The following DAAM1 variants were observed in gnomAD, a reference collection of about 807,000 sequenced individuals.
DAAM1 encodes the protein disheveled-associated activator of morphogenesis 1.
A neutral mutation model predicts 130.0 loss-of-function variants in DAAM1; 52 were observed. That is an observed-to-expected ratio of 0.40 (90% CI 0.32 to 0.50). The LOEUF (loss-of-function observed/expected upper bound fraction) is 0.50, where lower values mean the gene tolerates loss of function less well. DAAM1 is among the 20% of genes least tolerant of loss of function. The pLI is 0.61. For synonymous variants in DAAM1, 452 were observed against 444.5 expected (o/e 1.02, Z -0.21); for missense variants, 1,134 against 1,303.8 (o/e 0.87, Z 2.01).
intron 1 of DAAM1, among the ~76,000 whole-genome samples, chr14:59,255,850 T>A (rs1463837677): frequency 6.6e-6 from 1 of 152,240 alleles, no homozygotes; most frequent in Non-Finnish European, 1.5e-5. Flanking sequence ...CTATCTTGAT[T>A]CATATAATAG....
intron 3 of DAAM1, 123 bp from the exon 4 acceptor site, chr14:59,315,157 A>G: frequency 1.2e-6 from 1 of 868,034 alleles, no homozygotes; most frequent in South Asian, 1.3e-5. Context: ...TAAATACGTC[A>G]TACCTTCGTG....
chr14:59,215,536 C>T (rs963976173), intron 1 of DAAM1, among the ~76,000 whole-genome samples: 2 of 152,156 alleles, frequency 1.3e-5, no homozygotes, highest in Non-Finnish European at 2.9e-5. Flanking sequence ...AGGCGGCAGC[C>T]GCTGCAGGCT....
At chr14:59,245,848 G>C (rs1361160894) in intron 1 of DAAM1, among the ~76,000 whole-genome samples, 1 of 152,186 alleles carries the variant, frequency 6.6e-6, no homozygotes, top group African/African-American at 2.4e-5. Context: ...CAATTGTAGA[G>C]TTGAGTGTAG....
intron 3 of DAAM1, among the ~76,000 whole-genome samples, chr14:59,298,147 A>G (rs1240197706): frequency 1.3e-5 from 2 of 152,228 alleles, no homozygotes; most frequent in East Asian, 3.8e-4. Context: ...GGTTTTAGCC[A>G]GAGAAGCGGG....
intron 3 of DAAM1, among the ~76,000 whole-genome samples, chr14:59,298,511 A>T (rs943377400): frequency 2.0e-5 from 3 of 152,210 alleles, no homozygotes; most frequent in Admixed American, 2.0e-4. Flanking sequence ...AAACCCACTG[A>T]GGGCATGTTT....
intron 1 of DAAM1, among the ~76,000 whole-genome samples, chr14:59,253,247 G>A (rs1881726270): frequency 6.6e-6 from 1 of 152,222 alleles, no homozygotes; most frequent in African/African-American, 2.4e-5. Context: ...GAAAGAAGTG[G>A]TGGAGCTGTT....
At chr14:59,363,039 T>A (rs1886772604) in intron 22 of DAAM1, 1 of 152,398 alleles carries the variant, frequency 6.6e-6, no homozygotes, top group Non-Finnish European at 1.5e-5. Flanking sequence ...TAGATTTGAA[T>A]CATCTGCGTT....
chr14:59,346,450 G>A (rs1349530262), intron 16 of DAAM1, among the ~76,000 whole-genome samples: 1 of 152,178 alleles, frequency 6.6e-6, no homozygotes, highest in Non-Finnish European at 1.5e-5. Flanking sequence ...ATTAGTTATA[G>A]GTTGTAAGGA....
chr14:59,220,559 T>C (rs1476312664), intron 1 of DAAM1, among the ~76,000 whole-genome samples: 1 of 152,190 alleles, frequency 6.6e-6, no homozygotes, highest in Non-Finnish European at 1.5e-5. Flanking sequence ...ATAGGAAATC[T>C]GTCAAGGGGA....
At chr14:59,352,745 T>G (rs1360422806) in intron 18 of DAAM1, 113 bp downstream of exon 18, 1 of 879,730 alleles carries the variant, frequency 1.1e-6, no homozygotes. Flanking sequence ...ACTTGAAAGC[T>G]TTTTCATTCT....
At position 59,329,435 on chromosome 14, in the gene DAAM1, G is replaced by A. The variant is rs10083482; in HGVS notation, c.1373-1066G>A. Among the ~76,000 whole-genome samples, 856 of 152,280 alleles carry A rather than the reference G, an allele frequency of 5.6e-3. 8 individuals carry two copies. Among genetic ancestry groups the A allele is most frequent in the African/African-American group, 0.019 (778 of 41,548 alleles). On this transcript the variant is annotated intron_variant, in intron 12 of 24. Transcript: ENST00000360909. ...CTGACAAAATCCAGGGATTTTAGTGGCTTGAACTCCTCTCTGTAAACTCTA... is the reference window on the plus strand; with the variant it reads ...CTGACAAAATCCAGGGATTTTAGTGACTTGAACTCCTCTCTGTAAACTCTA...
intron 4 of DAAM1, among the ~76,000 whole-genome samples, chr14:59,318,345 C>T (rs1203566875): frequency 2.0e-5 from 3 of 151,714 alleles, no homozygotes; most frequent in African/African-American, 7.3e-5. Context: ...GTCAGACCCG[C>T]GTGTTCCAAT....
intron 1 of DAAM1, among the ~76,000 whole-genome samples, chr14:59,222,703 A>T (rs1276061477): frequency 6.6e-6 from 1 of 151,998 alleles, no homozygotes; most frequent in African/African-American, 2.4e-5. Flanking sequence ...GCTGAAGGTT[A>T]CTCTTTGGTA....
chr14:59,363,663 C>T lies in DAAM1; in HGVS notation c.2707C>T (p.Gln903Ter). Residue 903 changes from glutamine (Q) to a stop codon, truncating the protein, a stop_gained, in exon 23 of 25, where the codon CAG becomes TAG. Coordinates refer to ENST00000360909, the MANE Select transcript of DAAM1 (RefSeq NM_001270520.2). LOFTEE classifies it high-confidence loss of function. ...TCCTGTGTTTAAGGAGCTGGAATAT[C>T]AGAAGTCTCAGCCCCCACAGCCCGG... ...LKAVETELEYQKSQPPQPGDK... is the reference protein window; with the variant it reads ...LKAVETELEY The T allele has an allele frequency of 1.2e-6, 2 of 1,614,070 alleles. No individual in the cohort carries two copies. Among genetic ancestry groups the T allele is most frequent in the Non-Finnish European group, 1.7e-6 (2 of 1,179,968 alleles).
At chr14:59,344,219 G>A (rs1197506756) in intron 16 of DAAM1, among the ~76,000 whole-genome samples, 2 of 152,184 alleles carry the variant, frequency 1.3e-5, no homozygotes, top group African/African-American at 2.4e-5. Context: ...AAAGTAGGGG[G>A]ATTTGGCCTA....
Position 59,326,999 on chromosome 14 carries a change from A to T in DAAM1, c.1372+8A>T. The T allele has an allele frequency of 6.2e-7, 1 of 1,613,938 alleles. No homozygotes were observed. Among genetic ancestry groups the T allele is most frequent in the Admixed American group, 1.7e-5 (1 of 60,030 alleles). On this transcript the variant is annotated splice_region_variant and intron_variant, in intron 12 of 24. Transcript: ENST00000360909. Reference sequence around the variant, plus strand: ...CGGAAAAAATGAGAAAAGGTAAATAATGAGGCCCTGATAAGAGGCTGTGTT... The same window carrying T: ...CGGAAAAAATGAGAAAAGGTAAATATTGAGGCCCTGATAAGAGGCTGTGTT...
chr14:59,266,359 A>G (rs151026538), intron 2 of DAAM1, among the ~76,000 whole-genome samples: 1 of 152,330 alleles, frequency 6.6e-6, no homozygotes, highest in Non-Finnish European at 1.5e-5. Flanking sequence ...AGCATTCCAC[A>G]TCTACAGTTA....
intron 2 of DAAM1, chr14:59,264,112 A>G (rs1447260262): frequency 5.0e-6 from 1 of 199,708 alleles, no homozygotes; most frequent in African/African-American, 2.3e-5. Context: ...CCATCCTGTC[A>G]TTGATCCTTT....
intron 1 of DAAM1, among the ~76,000 whole-genome samples, chr14:59,189,137 C>T (rs964468947): frequency 6.6e-6 from 1 of 152,184 alleles, no homozygotes; most frequent in African/African-American, 2.4e-5. Context: ...TGAAGGCTCC[C>T]CGGGGCTGGG....
Sources: gnomAD v4.1 joint callset for allele counts (sites outside exome capture counted in the v4.1 genomes callset) on GRCh38, gnomAD v4.1.1 for gene constraint, MANE v1.5 for transcripts, NCBI Gene and HGNC (gene_info 2026-07-23, HGNC 2026-07-21) for gene names.